The following CRTC1 variants were observed in gnomAD, a reference collection of about 807,000 sequenced individuals.
The protein encoded by CRTC1 is CREB regulated transcription coactivator 1.
A neutral mutation model predicts 66.1 loss-of-function variants in CRTC1; 18 were observed. That is an observed-to-expected ratio of 0.27 (90% CI 0.19 to 0.40). The LOEUF is 0.40. Ranked by LOEUF, CRTC1 falls within the 10% of genes least tolerant of loss-of-function variation. The pLI is 1.00. For missense variants in CRTC1, 669 were observed against 887.9 expected, an observed-to-expected ratio of 0.75 and a Z score of 3.13; for synonymous variants, 416 against 398.8, an observed-to-expected ratio of 1.04 and a Z score of -0.51.
At chr19:18,704,340 T>C (rs2053212357) in intron 1 of CRTC1, among the ~76,000 whole-genome samples, 1 of 152,138 alleles carries the variant, frequency 6.6e-6, no homozygotes, top group African/African-American at 2.4e-5. Flanking sequence ...CCACCCTCCT[T>C]GGTCTCCCAA....
At chr19:18,775,204 T>C (rs1376058741) in intron 12 of CRTC1, among the ~76,000 whole-genome samples, 2 of 152,208 alleles carry the variant, frequency 1.3e-5, no homozygotes, top group African/African-American at 4.8e-5. Context: ...CCCTGGCATC[T>C]TTGCCCACCT....
chr19:18,734,439 C>T (rs948709587), intron 1 of CRTC1, among the ~76,000 whole-genome samples: 4 of 151,628 alleles, frequency 2.6e-5, no homozygotes. Context: ...GTGGCTTACA[C>T]CTGTCATCCC....
intron 1 of CRTC1, among the ~76,000 whole-genome samples, chr19:18,740,500 CA>C (rs2054088226): frequency 6.6e-6 from 1 of 152,160 alleles, no homozygotes. Context: ...CTGATGTGCC[CA>C]AACTCCCACC....
Position 18,684,084 on chromosome 19 carries a change from G to A in CRTC1, c.126+256G>A, listed in dbSNP as rs2052628151. Among the ~76,000 whole-genome samples the A allele has an allele frequency of 2.6e-5, 4 of 151,908 alleles. No homozygotes were observed. In the South Asian group the frequency reaches 8.3e-4, roughly 31 times the overall value. ...CATCACTGCTCCCCGGAGGAGACAG[G>A]GGCCTCTATATCATTACTACTAGGA... On this transcript the variant is annotated intron_variant, in intron 1 of 13. Transcript: ENST00000321949.
chr19:18,704,924 C>G (rs1453844544), intron 1 of CRTC1, among the ~76,000 whole-genome samples: 16 of 148,584 alleles, frequency 1.1e-4, no homozygotes, highest in Non-Finnish European at 2.1e-4. Flanking sequence ...TCCCCAACCC[C>G]CACCCTCCTA....
In CRTC1 at chr19:18,768,413, G is replaced by C; in HGVS notation, c.1012-72G>C. On this transcript the variant is annotated intron_variant, in intron 9 of 13. Transcript: ENST00000321949. The surrounding 1 kb of genome is among the most constrained non-coding windows in gnomAD (Gnocchi z 5.6). The stretch of plus-strand genomic sequence containing the variant: ...CCACCTCGCCTGCTGAGCATGCCAG[G>C]CTATGGGGGCCCGAGGGGGCCAGGC... 7.4e-7 allele frequency: 1 copy of C among 1,343,488 alleles called. No individual in the cohort carries two copies. The highest frequency in any genetic ancestry group is 1.0e-6 in the Non-Finnish European group (1 of 966,340). 83.2% of individuals were successfully genotyped at this position (1,343,488 alleles called of 1,614,324 possible). A position where few individuals can be genotyped will look rare whatever the true frequency, so the allele number is the denominator to read the frequency against.
chr19:18,730,840 C>T (rs571892386), intron 1 of CRTC1, among the ~76,000 whole-genome samples: 1 of 152,318 alleles, frequency 6.6e-6, no homozygotes, highest in Admixed American at 6.5e-5. Flanking sequence ...CCCTGGCTGT[C>T]TCCTCCTGGT....
chr19:18,741,382 G>A lies in CRTC1; in HGVS notation c.127-1528G>A, dbSNP rs1568514079. Reference sequence around the variant, plus strand: ...TCGTGTGTCCCTCTCACACCCGCCTGTAGCACTCACTCTAGGTCGGGGACA... The same window carrying A: ...TCGTGTGTCCCTCTCACACCCGCCTATAGCACTCACTCTAGGTCGGGGACA... On this transcript the variant is annotated intron_variant, in intron 1 of 13. Transcript: ENST00000321949. This position sits in a 1 kb window ranked among gnomAD's most constrained non-coding sequence, Gnocchi z 4.2. Among the ~76,000 whole-genome samples, 2 of 152,354 alleles carry A rather than the reference G, an allele frequency of 1.3e-5. No individual in the cohort carries two copies. Among genetic ancestry groups the A allele is most frequent in the Middle Eastern group, 3.4e-3 (1 of 294 alleles).
rs770995834 is a variant in CRTC1, at chr19:18,771,483, G to C, written c.1362G>C (p.Pro454=). The change falls in exon 11 of 14, where the codon CCG becomes CCC. Residue 454 remains proline (P), a synonymous_variant. Coordinates refer to ENST00000321949, the MANE Select transcript of CRTC1 (RefSeq NM_015321.3). This position sits in a 1 kb window ranked among gnomAD's most constrained non-coding sequence, Gnocchi z 4.6. ...LQQYRTSAGS[P]ANQSPTSPVS... ...AGTACCGCACTAGCGCCGGCTCCCC[G>C]GCCAACCAGTCTCCCACCTCGCCAG... The C allele has an allele frequency of 6.2e-7, 1 of 1,613,566 alleles. No homozygotes were observed. The highest frequency in any genetic ancestry group is 1.7e-5 in the Admixed American group (1 of 59,954).
At chr19:18,772,655 C>T (rs574764067) in intron 11 of CRTC1, among the ~76,000 whole-genome samples, 7 of 152,314 alleles carry the variant, frequency 4.6e-5, no homozygotes, top group South Asian at 4.1e-4. Flanking sequence ...AGCTCTCACA[C>T]GTGTATAGGG....
At chr19:18,736,082 C>T (rs186788283) in intron 1 of CRTC1, among the ~76,000 whole-genome samples, 3 of 152,276 alleles carry the variant, frequency 2.0e-5, no homozygotes, top group South Asian at 2.1e-4. Context: ...CTGGGCTTCA[C>T]GCCAGCAGCA....
At chr19:18,694,250 A>G (rs2052928237) in intron 1 of CRTC1, among the ~76,000 whole-genome samples, 1 of 146,972 alleles carries the variant, frequency 6.8e-6, no homozygotes, top group South Asian at 2.2e-4. Context: ...GCAGTGAACT[A>G]TGATCACGCC....
intron 1 of CRTC1, among the ~76,000 whole-genome samples, chr19:18,702,053 A>G (rs2053156114): frequency 6.7e-6 from 1 of 150,256 alleles, no homozygotes; most frequent in Non-Finnish European, 1.5e-5. Context: ...CCTCCCGAGT[A>G]GCTGGGATTA....
Position 18,711,193 on chromosome 19 carries a change from CG to C in CRTC1, c.126+27369del, listed in dbSNP as rs1255476851. 1.5e-4 allele frequency among the ~76,000 whole-genome samples: 23 copies of C among 152,290 alleles called. No homozygotes were observed. The South Asian group carries it at 4.6e-3, about 30-fold the overall frequency. On this transcript the variant is annotated intron_variant, in intron 1 of 13. Transcript: ENST00000321949. ...TTCCCGTCCCAGGTGGCCTGCTTCTCGGGGAGGGGCCTGGGAGGACTTCTTG... is the reference window on the plus strand; with the variant it reads ...TTCCCGTCCCAGGTGGCCTGCTTCTCGGGAGGGGCCTGGGAGGACTTCTTG...
chr19:18,776,935 A>C (rs1433153259), intron 13 of CRTC1, among the ~76,000 whole-genome samples: 1 of 152,020 alleles, frequency 6.6e-6, no homozygotes, highest in Non-Finnish European at 1.5e-5. Context: ...GGTGCTCCTG[A>C]CATCTGGAGC....
Position 18,782,092 on chromosome 19 carries a change from G to A in CRTC1, c.*4710G>A, listed in dbSNP as rs1017523320. 4 of 224,704 alleles carry A rather than the reference G, an allele frequency of 1.8e-5. No homozygotes were observed. The highest frequency in any genetic ancestry group is 2.7e-5 in the Non-Finnish European group (3 of 112,768). The allele number at this position is 224,704 out of a possible 1,614,324, so 13.9% of individuals were successfully genotyped here. A position where few individuals can be genotyped will look rare whatever the true frequency, so the allele number is the denominator to read the frequency against. On this transcript the variant is annotated 3_prime_UTR_variant, in exon 14 of 14. Coordinates refer to ENST00000321949, the MANE Select transcript of CRTC1 (RefSeq NM_015321.3). ...CCCCACTGATATATGCAAACCCGCC[G>A]GTCCGAGCCCTGTTCCTGCCTGTGC... is the stretch of plus-strand genomic sequence containing the variant.
At chr19:18,726,922 T>C (rs1600856093) in intron 1 of CRTC1, among the ~76,000 whole-genome samples, 1 of 123,502 alleles carries the variant, frequency 8.1e-6, no homozygotes. Flanking sequence ...AAAGACTCCG[T>C]CTTGGGGAAA....
At chr19:18,745,404 G>A (rs2054208434) in intron 2 of CRTC1, among the ~76,000 whole-genome samples, 1 of 152,216 alleles carries the variant, frequency 6.6e-6, no homozygotes, top group Non-Finnish European at 1.5e-5. Context: ...GGCCCCTCCA[G>A]GGATGACGTA....
At chr19:18,693,074 CAAAAA>C (rs71168762) in intron 1 of CRTC1, among the ~76,000 whole-genome samples, 1 of 69,374 alleles carries the variant, frequency 1.4e-5, no homozygotes, top group African/African-American at 6.0e-5. Flanking sequence ...GACTCCGTCT[CAAAAA>C]AAAAAAAAAA....
Sources: gnomAD v4.1 joint callset for allele counts (sites outside exome capture counted in the v4.1 genomes callset) on GRCh38, gnomAD v4.1.1 for gene constraint, Gnocchi (gnomAD v3.1) non-coding constraint, MANE v1.5 for transcripts, NCBI Gene and HGNC (gene_info 2026-07-23, HGNC 2026-07-21) for gene names.